The following TOX variants were observed in gnomAD, a reference collection of about 807,000 sequenced individuals.
The protein encoded by TOX is thymocyte selection associated high mobility group box, also known as thymocyte selection-associated high mobility group box protein TOX.
Under a neutral mutation model 53.7 loss-of-function variants are expected in TOX, and 11 were observed. The observed-to-expected ratio is 0.20, with a 90% CI of 0.13 to 0.34. The LOEUF (loss-of-function observed/expected upper bound fraction) is 0.34, where lower values mean the gene tolerates loss of function less well. TOX is among the 10% of genes least tolerant of loss of function. TOX has a pLI of 1.00. For synonymous variants in TOX, 225 were observed against 245.3 expected (o/e 0.92, Z 0.77); for missense variants, 570 against 664.6 (o/e 0.86, Z 1.56).
rs533734413 is a variant in TOX, at chr8:59,040,136, C to T, written c.102+78750G>A. ...CGAGGTCAGGAGATCGAGACCATCC[C>T]GGGTAAAACGGTGAAACCCCGTCTC... On this transcript the variant is annotated intron_variant, in intron 1 of 8. Coordinates refer to ENST00000361421, the MANE Select transcript of TOX (RefSeq NM_014729.3). Among the ~76,000 whole-genome samples, 21 of 151,934 alleles carry T rather than the reference C, an allele frequency of 1.4e-4. 1 individual carries two copies. The highest frequency in any genetic ancestry group is 1.0e-3 in the South Asian group (5 of 4,812).
intron 1 of TOX, among the ~76,000 whole-genome samples, chr8:58,997,853 C>T (rs1393454286): frequency 5.9e-5 from 9 of 151,968 alleles, no homozygotes; most frequent in Admixed American, 5.2e-4. Context: ...AGTGCAGTGG[C>T]GCGATCTTGG....
intron 1 of TOX, among the ~76,000 whole-genome samples, chr8:59,030,430 C>T (rs955341257): frequency 2.0e-5 from 3 of 152,114 alleles, no homozygotes; most frequent in African/African-American, 4.8e-5. Context: ...CTAATATTTC[C>T]CAGCCTTTTA....
At chr8:58,813,415 T>C (rs1007956676) in intron 7 of TOX, among the ~76,000 whole-genome samples, 2 of 152,242 alleles carry the variant, frequency 1.3e-5, no homozygotes, top group African/African-American at 2.4e-5. Context: ...TATAGCACTG[T>C]AAGCAAAACA....
intron 1 of TOX, among the ~76,000 whole-genome samples, chr8:59,099,206 G>T (rs1804763737): frequency 6.6e-6 from 1 of 152,090 alleles, no homozygotes; most frequent in Non-Finnish European, 1.5e-5. Flanking sequence ...TTCTTGGGCT[G>T]GAAAAAATCT....
chr8:58,854,259 A>G (rs770783242), intron 3 of TOX, among the ~76,000 whole-genome samples: 1 of 152,202 alleles, frequency 6.6e-6, no homozygotes, highest in Non-Finnish European at 1.5e-5. Context: ...AGTCTGTAAC[A>G]TGTCTGTATT....
At chr8:58,962,090 T>A (rs1812809282) in intron 1 of TOX, among the ~76,000 whole-genome samples, 1 of 152,214 alleles carries the variant, frequency 6.6e-6, no homozygotes, top group Admixed American at 6.5e-5. Flanking sequence ...TACTTTCTAT[T>A]TCATCTTCTC....
chr8:58,825,043 G>A (rs987785624), intron 6 of TOX, among the ~76,000 whole-genome samples: 4 of 152,116 alleles, frequency 2.6e-5, no homozygotes, highest in African/African-American at 9.7e-5. Flanking sequence ...AATATGACTG[G>A]TTATTATTTG....
At chr8:58,897,758 G>A (rs1035561806) in intron 3 of TOX, among the ~76,000 whole-genome samples, 6 of 150,772 alleles carry the variant, frequency 4.0e-5, no homozygotes, top group Admixed American at 1.3e-4. Context: ...TTGTTGAACC[G>A]TGAATGTAAT....
chr8:59,088,303 A>G (rs1387977105), intron 1 of TOX, among the ~76,000 whole-genome samples: 1 of 152,178 alleles, frequency 6.6e-6, no homozygotes, highest in Admixed American at 6.6e-5. Flanking sequence ...CAATTGCACT[A>G]TTATGCTTTG....
chr8:59,026,864 C>T (rs1377795085), intron 1 of TOX, among the ~76,000 whole-genome samples: 1 of 135,206 alleles, frequency 7.4e-6, no homozygotes, highest in Non-Finnish European at 1.5e-5. Flanking sequence ...CAATTTAATA[C>T]ATTTATAGAA....
At chr8:58,936,549 A>G (rs139753996) in intron 3 of TOX, among the ~76,000 whole-genome samples, 71 of 152,312 alleles carry the variant, frequency 4.7e-4, no homozygotes, top group South Asian at 1.0e-3. Flanking sequence ...ACACTGAGGA[A>G]TGGCATTCTA....
At chr8:59,092,443 C>T (rs947049044) in intron 1 of TOX, among the ~76,000 whole-genome samples, 5 of 147,842 alleles carry the variant, frequency 3.4e-5, no homozygotes, top group African/African-American at 1.3e-4. Context: ...AATTGGTATT[C>T]CTGGTTTCCA....
chr8:58,929,953 G>A (rs555113014), intron 3 of TOX, among the ~76,000 whole-genome samples: 1 of 152,124 alleles, frequency 6.6e-6, no homozygotes, highest in Non-Finnish European at 1.5e-5. Context: ...ATCTAAAAAG[G>A]AGGATCAACT....
rs541859729 is a variant in TOX, at chr8:59,054,718, T to A, written c.102+64168A>T. ...ACATTCCTCTAAATGTATACTCTCA[T>A]AAATTACAGAAATGTTCTCCACCAA... On this transcript the variant is annotated intron_variant, in intron 1 of 8. Transcript: ENST00000361421. Among the ~76,000 whole-genome samples, 190 of 148,934 alleles carry A rather than the reference T, an allele frequency of 1.3e-3. 1 individual carries two copies. Among genetic ancestry groups the A allele is most frequent in the Non-Finnish European group, 2.1e-3 (143 of 67,726 alleles).
rs916871791 is a variant in TOX, at chr8:59,107,049, G to C, written c.102+11837C>G. 2.2e-4 allele frequency among the ~76,000 whole-genome samples: 29 copies of C among 130,256 alleles called. 1 individual carries two copies. The highest frequency in any genetic ancestry group is 2.9e-4 in the Non-Finnish European group (18 of 62,060). 85.5% of individuals were successfully genotyped at this position (130,256 alleles called of 152,430 possible). On this transcript the variant is annotated intron_variant, in intron 1 of 8. Coordinates refer to ENST00000361421, the MANE Select transcript of TOX (RefSeq NM_014729.3). ...ATGATCTTATAAAGCAGTTTGCTGG[G>C]GGGGGGGGGAACGTGACATTTCTAA...
intron 3 of TOX, among the ~76,000 whole-genome samples, chr8:58,893,881 C>T (rs1811599127): frequency 6.6e-6 from 1 of 152,186 alleles, no homozygotes; most frequent in Admixed American, 6.5e-5. Context: ...AGTATGTTTG[C>T]TTCTTAGTGA....
At chr8:58,846,657 T>C (rs548735858) in intron 4 of TOX, among the ~76,000 whole-genome samples, 177 of 152,268 alleles carry the variant, frequency 1.2e-3, no homozygotes, top group Non-Finnish European at 2.1e-3. Context: ...AGCAAATTAG[T>C]AACAAACTCT....
At chr8:58,882,737 A>T (rs557945997) in intron 3 of TOX, among the ~76,000 whole-genome samples, 19 of 152,366 alleles carry the variant, frequency 1.2e-4, no homozygotes, top group African/African-American at 4.6e-4. Flanking sequence ...GTCAACTACC[A>T]TCACTGAAAG....
At chr8:58,876,064 C>G (rs1811278675) in intron 3 of TOX, among the ~76,000 whole-genome samples, 2 of 151,922 alleles carry the variant, frequency 1.3e-5, no homozygotes, top group African/African-American at 4.8e-5. Flanking sequence ...ACTTTTCTAC[C>G]AGGTATTAAT....
Sources: allele counts gnomAD v4.1 joint callset (sites outside exome capture counted in the v4.1 genomes callset), GRCh38; gene constraint gnomAD v4.1.1; transcripts MANE v1.5; gene names NCBI Gene and HGNC (gene_info 2026-07-23, HGNC 2026-07-21).